Variants in RPH3A observed in about 807,000 individuals in gnomAD.
The protein encoded by RPH3A is rabphilin 3A, also known as rabphilin-3A.
In RPH3A, 48 loss-of-function variants were observed where a neutral mutation model predicts 102.2. The observed-to-expected ratio is 0.47, with a 90% CI of 0.37 to 0.60. The LOEUF (loss-of-function observed/expected upper bound fraction) is 0.60, where lower values mean the gene tolerates loss of function less well. Among genes scored for constraint, RPH3A ranks in the 20% least tolerant of loss-of-function variants. RPH3A has a pLI of 0.00. For missense variants in RPH3A, 781 were observed against 910.1 expected, an observed-to-expected ratio of 0.86 and a Z score of 1.83; for synonymous variants, 310 against 324.3, an observed-to-expected ratio of 0.96 and a Z score of 0.47.
At chr12:112,843,409 G>A (rs746800271) in intron 4 of RPH3A, among the ~76,000 whole-genome samples, 2 of 152,192 alleles carry the variant, frequency 1.3e-5, no homozygotes, top group Non-Finnish European at 2.9e-5. Context: ...GAGGATGGGG[G>A]AAGGGTTTGG....
At chr12:112,785,230 G>GAAA (rs55642465) in intron 1 of RPH3A, among the ~76,000 whole-genome samples, 3 of 141,312 alleles carry the variant, frequency 2.1e-5, no homozygotes, top group East Asian at 2.1e-4. Context: ...TCTCAAAAAA[G>GAAA]AAAAAAAAAA....
At chr12:112,875,467 C>T (rs1349802677) in intron 11 of RPH3A, among the ~76,000 whole-genome samples, 1 of 152,114 alleles carries the variant, frequency 6.6e-6, no homozygotes, top group East Asian at 1.9e-4. Context: ...AGGAGCAAGT[C>T]AAGGCTCAGG....
At chr12:112,657,476 G>T (rs899937566) in intron 1 of RPH3A, among the ~76,000 whole-genome samples, 2 of 152,098 alleles carry the variant, frequency 1.3e-5, no homozygotes, top group South Asian at 4.1e-4. Context: ...GTACAGAATT[G>T]CATGTGCTAT....
intron 1 of RPH3A, among the ~76,000 whole-genome samples, chr12:112,778,495 A>T (rs1295509811): frequency 6.6e-6 from 1 of 152,204 alleles, no homozygotes. Context: ...AAATGTATGA[A>T]TTTAATTTTT....
chr12:112,667,092 G>T (rs1285404493), intron 1 of RPH3A, among the ~76,000 whole-genome samples: 2 of 152,108 alleles, frequency 1.3e-5, no homozygotes, highest in African/African-American at 4.8e-5. Context: ...CTTTTTCCAA[G>T]TTCCTTAAAA....
intron 1 of RPH3A, among the ~76,000 whole-genome samples, chr12:112,593,941 CACTT>C (rs2039496966): frequency 6.6e-6 from 1 of 152,218 alleles, no homozygotes; most frequent in Admixed American, 6.5e-5. Flanking sequence ...CCCCATATAA[CACTT>C]ACTTCCCTTC....
intron 5 of RPH3A, among the ~76,000 whole-genome samples, chr12:112,848,445 G>A (rs1034629466): frequency 6.6e-6 from 1 of 152,202 alleles, no homozygotes; most frequent in African/African-American, 2.4e-5. Flanking sequence ...CCAAGAACCC[G>A]GGGTCCCATG....
chr12:112,890,132 G>C, intron 18 of RPH3A, 52 bp downstream of exon 18: 1 of 1,501,400 alleles, frequency 6.7e-7, no homozygotes, highest in Non-Finnish European at 9.2e-7. Flanking sequence ...ACTGGGCTAG[G>C]CTAGCATCTT....
intron 1 of RPH3A, among the ~76,000 whole-genome samples, chr12:112,605,167 G>A (rs1174151044): frequency 1.3e-5 from 2 of 152,172 alleles, no homozygotes; most frequent in Non-Finnish European, 2.9e-5. Context: ...CTGAGGTCAG[G>A]AATTCAAGGC....
intron 2 of RPH3A, among the ~76,000 whole-genome samples, chr12:112,793,923 AATTTTAATATTTATATTTT>A (rs1235098118): frequency 8.5e-5 from 13 of 152,082 alleles, no homozygotes; most frequent in Non-Finnish European, 1.5e-4. Flanking sequence ...ATCCCCATTT[AATTTTAATATTTATATTTT>A]ATTTTAATAT....
intron 1 of RPH3A, among the ~76,000 whole-genome samples, chr12:112,720,081 T>C (rs1268656400): frequency 6.6e-6 from 1 of 152,278 alleles, no homozygotes; most frequent in Non-Finnish European, 1.5e-5. Flanking sequence ...GGTTGTTTTC[T>C]GAATCTCTTT....
intron 1 of RPH3A, among the ~76,000 whole-genome samples, chr12:112,616,917 TC>T (rs572662818): frequency 1.3e-5 from 2 of 152,224 alleles, no homozygotes; most frequent in Non-Finnish European, 2.9e-5. Flanking sequence ...ACAGACTTTA[TC>T]GAGAGCATCC....
At chr12:112,609,457 T>G (rs1288429460) in intron 1 of RPH3A, among the ~76,000 whole-genome samples, 2 of 152,222 alleles carry the variant, frequency 1.3e-5, no homozygotes, top group Non-Finnish European at 2.9e-5. Context: ...GCACATGATA[T>G]TCTGTCTCTC....
intron 1 of RPH3A, among the ~76,000 whole-genome samples, chr12:112,683,970 AATT>A (rs1371689228): frequency 6.6e-6 from 1 of 152,180 alleles, no homozygotes; most frequent in African/African-American, 2.4e-5. Flanking sequence ...CTGATTATAA[AATT>A]ATTATTCTCA....
intron 2 of RPH3A, among the ~76,000 whole-genome samples, chr12:112,797,349 G>A (rs1593009694): frequency 1.3e-5 from 2 of 152,320 alleles, no homozygotes; most frequent in Non-Finnish European, 2.9e-5. Context: ...TGGAGCAGGG[G>A]GAGGGGGCTG....
chr12:112,742,900 C>G (rs1055725831), intron 1 of RPH3A, among the ~76,000 whole-genome samples: 19 of 152,300 alleles, frequency 1.2e-4, no homozygotes, highest in African/African-American at 4.1e-4. Flanking sequence ...CTGTGTTCCT[C>G]CTGGAAGCTC....
At chr12:112,874,027 G>A (rs1216776819) in intron 10 of RPH3A, 4 of 152,250 alleles carry the variant, frequency 2.6e-5, no homozygotes, top group Non-Finnish European at 5.9e-5. Context: ...GCTAATGTGG[G>A]AACCTGGGAC....
chr12:112,767,782 T>A (rs2040900666), intron 1 of RPH3A, among the ~76,000 whole-genome samples: 1 of 152,012 alleles, frequency 6.6e-6, no homozygotes, highest in Non-Finnish European at 1.5e-5. Context: ...TATTCAGCCA[T>A]CAAAAGAACT....
At position 112,659,859 on chromosome 12, in the gene RPH3A, C is replaced by T. The variant is rs536400638; in HGVS notation, c.-140+84540C>T. 9.0e-4 allele frequency among the ~76,000 whole-genome samples: 137 copies of T among 152,224 alleles called. 1 individual carries two copies. Among genetic ancestry groups the T allele is most frequent in the African/African-American group, 3.2e-3 (135 of 41,542 alleles). ...ATCTGTCTGCATCATTCTTCGGGTG[C>T]CCCTTTGCTTTCTGGTACAGGATAC... On this transcript the variant is annotated intron_variant, in intron 1 of 21. Coordinates refer to the RPH3A transcript ENST00000543106.
Sources: allele counts gnomAD v4.1 joint callset (sites outside exome capture counted in the v4.1 genomes callset), GRCh38; gene constraint gnomAD v4.1.1; transcripts MANE v1.5; gene names NCBI Gene and HGNC (gene_info 2026-07-23, HGNC 2026-07-21).